Variants in PTPRD observed in about 807,000 individuals in gnomAD.
PTPRD encodes protein tyrosine phosphatase receptor type D.
A neutral mutation model predicts 214.5 loss-of-function variants in PTPRD; 34 were observed. The ratio of observed to expected loss-of-function variants is 0.16; its 90% CI spans 0.12 to 0.21. The LOEUF is 0.21. Ranked by LOEUF, PTPRD falls within the 10% of genes least tolerant of loss-of-function variation. The pLI, the probability that PTPRD is intolerant of heterozygous loss-of-function variation, is 1.00. For synonymous variants in PTPRD, 1,128 were observed against 845.7 expected, an observed-to-expected ratio of 1.33 and a Z score of -5.79; for missense variants, 2,545 against 2,398.7, an observed-to-expected ratio of 1.06 and a Z score of -1.27.
At chr9:9,204,758 C>T (rs1056311166) in intron 9 of PTPRD, among the ~76,000 whole-genome samples, 4 of 152,082 alleles carry the variant, frequency 2.6e-5, no homozygotes, top group Non-Finnish European at 5.9e-5. Flanking sequence ...TAGCTTTTGA[C>T]ACAGATTTAC....
chr9:8,373,342 T>C (rs967320600), intron 39 of PTPRD, among the ~76,000 whole-genome samples: 1 of 152,036 alleles, frequency 6.6e-6, no homozygotes, highest in Admixed American at 6.6e-5. Flanking sequence ...ACCAGACATG[T>C]AAAATTACCT....
At chr9:10,264,865 A>T (rs1207928812) in intron 3 of PTPRD, among the ~76,000 whole-genome samples, 1 of 151,950 alleles carries the variant, frequency 6.6e-6, no homozygotes, top group East Asian at 1.9e-4. Context: ...ACCCAGGGGG[A>T]GATAATTGAA....
intron 8 of PTPRD, among the ~76,000 whole-genome samples, chr9:9,413,062 C>T (rs961101006): frequency 7.2e-6 from 1 of 138,838 alleles, no homozygotes; most frequent in Non-Finnish European, 1.5e-5. Context: ...TGAGGACAGT[C>T]ATTTTGGGCA....
chr9:10,394,894 T>A (rs532875837), intron 2 of PTPRD, among the ~76,000 whole-genome samples: 1 of 151,704 alleles, frequency 6.6e-6, no homozygotes, highest in Non-Finnish European at 1.5e-5. Context: ...ATGGTGCTGA[T>A]GAATGTGGAT....
intron 3 of PTPRD, among the ~76,000 whole-genome samples, chr9:10,081,919 G>A (rs553779031): frequency 6.6e-6 from 1 of 151,946 alleles, no homozygotes; most frequent in African/African-American, 2.4e-5. Context: ...GCATAATACA[G>A]TCATAACCAG....
At chr9:10,503,466 G>C (rs2044602577) in intron 2 of PTPRD, among the ~76,000 whole-genome samples, 1 of 151,868 alleles carries the variant, frequency 6.6e-6, no homozygotes, top group South Asian at 2.1e-4. Flanking sequence ...TTAGAATTAA[G>C]ATTTCTAATA....
chr9:10,304,513 C>G (rs1298057376), intron 3 of PTPRD, among the ~76,000 whole-genome samples: 1 of 152,066 alleles, frequency 6.6e-6, no homozygotes, highest in East Asian at 1.9e-4. Context: ...TTAGGAAACC[C>G]CATCGTCTCA....
intron 32 of PTPRD, among the ~76,000 whole-genome samples, chr9:8,463,988 T>C (rs907624718): frequency 6.6e-6 from 1 of 151,970 alleles, no homozygotes; most frequent in Admixed American, 6.6e-5. Flanking sequence ...AGAAAGATGA[T>C]AGAATAAAGG....
intron 5 of PTPRD, among the ~76,000 whole-genome samples, chr9:9,930,762 C>G (rs1297115300): frequency 6.6e-6 from 1 of 151,744 alleles, no homozygotes; most frequent in Non-Finnish European, 1.5e-5. Flanking sequence ...CAAAATGAAG[C>G]AGAACAATAT....
chr9:8,525,159 A>G (rs1007629661), intron 17 of PTPRD, 124 bp from the exon 18 acceptor site: 2 of 819,352 alleles, frequency 2.4e-6, no homozygotes, highest in South Asian at 1.3e-5. Context: ...CGTCGATTCA[A>G]TCTCTTGCTA....
In PTPRD at chr9:8,782,660, C is replaced by T. The variant is rs148103274; in HGVS notation, c.-103-48714G>A. Among the ~76,000 whole-genome samples the T allele has an allele frequency of 2.9e-4, 43 of 147,378 alleles. No homozygotes were observed. The East Asian group carries it at 8.7e-3, about 30-fold the overall frequency. ...TTGCCCAGGCTGAAGTGCAGTGGCA[C>T]AATCTCGGCTCACTGCAACCTCCAC... On this transcript the variant is annotated intron_variant, in intron 11 of 45. Coordinates refer to ENST00000381196, the MANE Select transcript of PTPRD (RefSeq NM_002839.4).
At chr9:10,188,322 T>C (rs1315138731) in intron 3 of PTPRD, among the ~76,000 whole-genome samples, 1 of 152,146 alleles carries the variant, frequency 6.6e-6, no homozygotes, top group Non-Finnish European at 1.5e-5. Flanking sequence ...AATACTCTGT[T>C]TAATCTTAAA....
chr9:10,086,313 G>C (rs970592058), intron 3 of PTPRD, among the ~76,000 whole-genome samples: 1 of 151,688 alleles, frequency 6.6e-6, no homozygotes, highest in Non-Finnish European at 1.5e-5. Flanking sequence ...CTGGGAGTCT[G>C]TTTCCTTACA....
At chr9:10,107,495 C>T (rs764187255) in intron 3 of PTPRD, among the ~76,000 whole-genome samples, 4 of 151,846 alleles carry the variant, frequency 2.6e-5, no homozygotes, top group East Asian at 1.9e-4. Flanking sequence ...TGCCACTTAC[C>T]GGCTGTGTAA....
chr9:9,421,244 A>C (rs1280583114), intron 8 of PTPRD, among the ~76,000 whole-genome samples: 1 of 152,034 alleles, frequency 6.6e-6, no homozygotes, highest in African/African-American at 2.4e-5. Flanking sequence ...CTTTAATTCT[A>C]AAAAGTCCCT....
chr9:10,328,352 A>G (rs2096684154), intron 3 of PTPRD, among the ~76,000 whole-genome samples: 1 of 151,788 alleles, frequency 6.6e-6, no homozygotes, highest in Non-Finnish European at 1.5e-5. Flanking sequence ...GCATTTGCAC[A>G]GGAGACTGTA....
intron 5 of PTPRD, among the ~76,000 whole-genome samples, chr9:9,884,813 G>C (rs548186163): frequency 6.6e-6 from 1 of 152,086 alleles, no homozygotes; most frequent in African/African-American, 2.4e-5. Flanking sequence ...TCTCCTTGCC[G>C]CTGCCATGTG....
intron 2 of PTPRD, among the ~76,000 whole-genome samples, chr9:10,608,236 T>A (rs1004501217): frequency 2.0e-5 from 3 of 151,968 alleles, no homozygotes; most frequent in Admixed American, 1.3e-4. Context: ...ACACTAAGCA[T>A]CCCCTTTTAC....
chr9:9,437,578 C>T (rs2085827775), intron 8 of PTPRD, among the ~76,000 whole-genome samples: 1 of 152,094 alleles, frequency 6.6e-6, no homozygotes, highest in Non-Finnish European at 1.5e-5. Flanking sequence ...AGGGTTCTTC[C>T]ATCTTGGGAA....
Sources: gnomAD v4.1 joint callset for allele counts (sites outside exome capture counted in the v4.1 genomes callset) on GRCh38, gnomAD v4.1.1 for gene constraint, MANE v1.5 for transcripts, NCBI Gene and HGNC (gene_info 2026-07-23, HGNC 2026-07-21) for gene names.